IGSF11: variants seen among roughly 807,000 people sequenced by gnomAD.
IGSF11 encodes the protein CXADR like 1.
Under a neutral mutation model 41.0 loss-of-function variants are expected in IGSF11, and 22 were observed. The ratio of observed to expected loss-of-function variants is 0.54; its 90% CI spans 0.38 to 0.77. The LOEUF (loss-of-function observed/expected upper bound fraction) is 0.77. Ranked by LOEUF, IGSF11 falls within the 30% of genes least tolerant of loss-of-function variation. IGSF11 has a pLI of 0.00. For missense variants in IGSF11, 444 were observed against 530.8 expected (o/e 0.84, Z 1.61); for synonymous variants, 219 against 201.3 (o/e 1.09, Z -0.74).
intron 1 of IGSF11, among the ~76,000 whole-genome samples, chr3:119,072,671 G>T (rs767338368): frequency 1.3e-5 from 2 of 152,264 alleles, no homozygotes; most frequent in Non-Finnish European, 2.9e-5. Flanking sequence ...CGGTTGGTTC[G>T]TGGTCTTGCT....
intron 1 of IGSF11, among the ~76,000 whole-genome samples, chr3:119,098,876 T>A (rs1307502221): frequency 1.3e-5 from 2 of 152,190 alleles, no homozygotes; most frequent in Admixed American, 1.3e-4. Flanking sequence ...ATATATTTTT[T>A]AAAAATCAAA....
At chr3:118,930,901 G>A (rs1942794339) in intron 1 of IGSF11, among the ~76,000 whole-genome samples, 1 of 151,938 alleles carries the variant, frequency 6.6e-6, no homozygotes, top group African/African-American at 2.4e-5. Context: ...GAAAGACAAA[G>A]AACTAGAATA....
intron 1 of IGSF11, among the ~76,000 whole-genome samples, chr3:119,058,872 G>A (rs1352536179): frequency 6.6e-6 from 1 of 151,910 alleles, no homozygotes; most frequent in East Asian, 1.9e-4. Context: ...ACTACCACAA[G>A]GACAAAAAAC....
upstream of IGSF11, among the ~76,000 whole-genome samples, chr3:119,038,174 G>A (rs1230810733): frequency 1.3e-5 from 2 of 152,054 alleles, no homozygotes; most frequent in African/African-American, 2.4e-5. Flanking sequence ...GACAATAAAG[G>A]AATGGGAAAC....
chr3:119,102,615 G>A (rs948622215), intron 1 of IGSF11, among the ~76,000 whole-genome samples: 4 of 151,896 alleles, frequency 2.6e-5, no homozygotes, highest in Non-Finnish European at 4.4e-5. Flanking sequence ...TTCAAATATT[G>A]CATCTAGTCC....
intron 1 of IGSF11, among the ~76,000 whole-genome samples, chr3:118,993,497 C>T (rs1033132886): frequency 2.0e-5 from 3 of 152,120 alleles, no homozygotes; most frequent in Non-Finnish European, 4.4e-5. Context: ...AGCAATTCCA[C>T]CTTTAGTTAT....
At chr3:119,112,777 A>G (rs941853879) in intron 1 of IGSF11, 1 of 152,430 alleles carries the variant, frequency 6.6e-6, no homozygotes, top group East Asian at 1.9e-4. Context: ...TTATCCATTC[A>G]TCTGTTGATG....
chr3:119,012,201 G>A (rs1938212155), intron 1 of IGSF11, among the ~76,000 whole-genome samples: 1 of 152,134 alleles, frequency 6.6e-6, no homozygotes. Flanking sequence ...GATTGCCAGA[G>A]ATTCTTGGGG....
In IGSF11 at chr3:119,053,619, G is replaced by T. The variant is rs144306950; in HGVS notation, c.49+51525C>A. On this transcript the variant is annotated intron_variant, in intron 1 of 6. Transcript: ENST00000354673. ...AAGCAATCTATAAAGTCAATGCAATGCCCATCAAAATACCAACATCATTCT... is the reference window on the plus strand; with the variant it reads ...AAGCAATCTATAAAGTCAATGCAATTCCCATCAAAATACCAACATCATTCT... Among the ~76,000 whole-genome samples, 655 of 152,142 alleles carry T rather than the reference G, an allele frequency of 4.3e-3. 13 individuals are homozygous for T. The highest frequency in any genetic ancestry group is 0.015 in the African/African-American group (627 of 41,530).
intron 1 of IGSF11, among the ~76,000 whole-genome samples, chr3:118,937,318 T>A (rs1056984145): frequency 6.6e-6 from 1 of 152,104 alleles, no homozygotes; most frequent in African/African-American, 2.4e-5. Flanking sequence ...CTGACATGAG[T>A]TCAAAAAATA....
intron 4 of IGSF11, among the ~76,000 whole-genome samples, chr3:118,912,245 A>G (rs920772452): frequency 1.3e-5 from 2 of 152,034 alleles, no homozygotes; most frequent in African/African-American, 4.8e-5. Context: ...TTTTTTTCTA[A>G]TTATCCCTCA....
At chr3:119,028,987 G>A (rs1230131728) in intron 1 of IGSF11, among the ~76,000 whole-genome samples, 1 of 151,644 alleles carries the variant, frequency 6.6e-6, no homozygotes, top group Non-Finnish European at 1.5e-5. Flanking sequence ...GGACCACTCT[G>A]TACATTTCTT....
chr3:119,144,818 C>T (rs1243552822), intron 1 of IGSF11, among the ~76,000 whole-genome samples: 1 of 152,116 alleles, frequency 6.6e-6, no homozygotes. Context: ...CAGGTTATCT[C>T]TTGAGTGTTT....
chr3:119,028,238 T>C (rs1940012791), intron 1 of IGSF11, among the ~76,000 whole-genome samples: 1 of 152,134 alleles, frequency 6.6e-6, no homozygotes, highest in Non-Finnish European at 1.5e-5. Context: ...TGGGATAAAC[T>C]ATGAATGGAA....
intron 1 of IGSF11, among the ~76,000 whole-genome samples, chr3:119,093,221 C>A (rs72953055): frequency 0.012 from 1,798 of 152,320 alleles, 29 homozygotes; most frequent in African/African-American, 0.041. Flanking sequence ...TGCTGAGCTA[C>A]GTCCGCCTTC....
At chr3:118,991,651 C>T (rs573028860) in intron 1 of IGSF11, among the ~76,000 whole-genome samples, 21 of 152,282 alleles carry the variant, frequency 1.4e-4, no homozygotes, top group African/African-American at 5.1e-4. Flanking sequence ...TTAGCCTCTG[C>T]CTTTGTAAAA....
intron 1 of IGSF11, among the ~76,000 whole-genome samples, chr3:119,075,992 G>A (rs542534959): frequency 1.2e-4 from 18 of 152,138 alleles, no homozygotes; most frequent in African/African-American, 3.6e-4. Flanking sequence ...GAGGCATCAC[G>A]CTACCTGACT....
chr3:119,049,143 G>T (rs1168055348), intron 1 of IGSF11, among the ~76,000 whole-genome samples: 1 of 151,600 alleles, frequency 6.6e-6, no homozygotes, highest in Non-Finnish European at 1.5e-5. Flanking sequence ...GGAAGTTCTG[G>T]CCAGGGCAAT....
intron 1 of IGSF11, among the ~76,000 whole-genome samples, chr3:119,093,078 A>G (rs566150425): frequency 1.6e-4 from 24 of 152,324 alleles, no homozygotes; most frequent in African/African-American, 5.5e-4. Flanking sequence ...TCATTAAGTA[A>G]CACATGATTG....
Sources: gnomAD v4.1 joint callset for allele counts (sites outside exome capture counted in the v4.1 genomes callset) on GRCh38, gnomAD v4.1.1 for gene constraint, MANE v1.5 for transcripts, NCBI Gene and HGNC (gene_info 2026-07-23, HGNC 2026-07-21) for gene names.